The following DIDO1 variants were observed in gnomAD, a reference collection of about 807,000 sequenced individuals.
DIDO1 encodes the protein death-inducer obliterator 1.
A neutral mutation model predicts 99.4 loss-of-function variants in DIDO1; 16 were observed. The ratio of observed to expected loss-of-function variants is 0.16; its 90% confidence interval spans 0.11 to 0.24. The LOEUF (loss-of-function observed/expected upper bound fraction) is 0.24, where lower values mean the gene tolerates loss of function less well. Among genes scored for constraint, DIDO1 ranks in the 10% least tolerant of loss-of-function variants. The probability of loss-of-function intolerance (pLI) is 1.00; values close to 1 mark genes in which losing one functional copy is unlikely to be tolerated. For missense variants in DIDO1, 2,996 were observed against 3,014.0 expected, an observed-to-expected ratio of 0.99 and a Z score of 0.14; for synonymous variants, 1,366 against 1,239.1, an observed-to-expected ratio of 1.10 and a Z score of -2.15.
At chr20:62,915,054 C>T (rs185515228) in intron 1 of DIDO1, among the ~76,000 whole-genome samples, 4 of 152,172 alleles carry the variant, frequency 2.6e-5, no homozygotes, top group African/African-American at 9.7e-5. Flanking sequence ...TGCCCCAAAG[C>T]CGACACTTCC....
intron 12 of DIDO1, among the ~76,000 whole-genome samples, chr20:62,893,187 A>G (rs6090154): frequency 0.42 from 63,705 of 151,908 alleles, 14,999 homozygotes; most frequent in African/African-American, 0.66. Flanking sequence ...TACCACACCT[A>G]GCTAATTTTT....
intron 5 of DIDO1, 66 bp downstream of exon 5, chr20:62,907,081 G>T: frequency 6.4e-7 from 1 of 1,558,570 alleles, no homozygotes; most frequent in Non-Finnish European, 8.8e-7. Flanking sequence ...CAAACCAACA[G>T]TTCTGCGACA....
At chr20:62,915,599 C>T (rs2065023597) in intron 1 of DIDO1, among the ~76,000 whole-genome samples, 1 of 152,192 alleles carries the variant, frequency 6.6e-6, no homozygotes, top group Non-Finnish European at 1.5e-5. Context: ...AGTGATCCTC[C>T]TGGCTTAGCC....
At chr20:62,910,572 A>G (rs1212993054) in intron 3 of DIDO1, among the ~76,000 whole-genome samples, 1 of 152,238 alleles carries the variant, frequency 6.6e-6, no homozygotes. Flanking sequence ...GGAAACAGCC[A>G]TGTGTGGCCA....
chr20:62,937,564 A>C (rs1346949052), intron 1 of DIDO1, among the ~76,000 whole-genome samples: 1 of 152,156 alleles, frequency 6.6e-6, no homozygotes, highest in African/African-American at 2.4e-5. Context: ...CGCGCTCAAC[A>C]ACATCTCGAG....
At chr20:62,890,776 G>T (rs2064379750) in intron 15 of DIDO1, 184 bp downstream of exon 15, 2 of 1,444,438 alleles carry the variant, frequency 1.4e-6, no homozygotes, top group African/African-American at 1.4e-5. Flanking sequence ...GTGAATCAGG[G>T]GTACTTCTCG....
Position 62,909,882 on chromosome 20 carries a change from A to T in DIDO1, c.978T>A (p.Asp326Glu). ...CPNCTILQVQDETHSETADQQ... is the reference protein window; with the variant it reads ...CPNCTILQVQEETHSETADQQ... ...GATCTGCCGTTTCTGAATGAGTCTC[A>T]TCCTGCACTTGCAGAATGGTGCAGT... Residue 326 changes from aspartate (D) to glutamate (E), a missense_variant, in exon 4 of 16, where the codon GAT (aspartate) becomes GAA (glutamate). By Grantham distance (45) the Asp-to-Glu change is conservative (BLOSUM62 2). Transcript: ENST00000395343. 1 of 1,614,162 alleles carries T rather than the reference A, an allele frequency of 6.2e-7. No homozygotes were observed. The highest frequency in any genetic ancestry group is 1.1e-5 in the South Asian group (1 of 91,084).
upstream of DIDO1, among the ~76,000 whole-genome samples, chr20:62,929,692 A>AAAAAAAATATATATATATAT: frequency 1.7e-4 from 11 of 63,730 alleles, no homozygotes; most frequent in African/African-American, 7.6e-4. Flanking sequence ...AAAAAGAAAA[A>AAAAAAAATATATATATATAT]GTGTATATAT....
intron 15 of DIDO1, chr20:62,890,293 A>G (rs2064371347): frequency 6.0e-5 from 59 of 986,020 alleles, no homozygotes; most frequent in Non-Finnish European, 6.9e-5. Flanking sequence ...AGCTTCTTCT[A>G]AGGGGCTATG....
In DIDO1 at chr20:62,905,970, G is replaced by GTGC; in HGVS notation, c.1502_1504dup (p.Ser501dup). On this transcript the variant is annotated inframe_insertion, in exon 6 of 16. Coordinates refer to ENST00000395343, the MANE Select transcript of DIDO1 (RefSeq NM_001193369.2). ...ATTGTGATCGCTCGCCCACGACGGC[G>GTGC]TGCTGCTCTCACAAGCTGCTTCCTT... is the stretch of plus-strand genomic sequence containing the variant. 2 of 1,614,048 alleles carry GTGC rather than the reference G, an allele frequency of 1.2e-6. No individual in the cohort carries two copies. Among genetic ancestry groups the GTGC allele is most frequent in the Middle Eastern group, 1.6e-4 (1 of 6,062 alleles).
chr20:62,893,059 T>C (rs1009815513), intron 12 of DIDO1, 97 bp from the exon 13 acceptor site: 10 of 1,339,798 alleles, frequency 7.5e-6, no homozygotes, highest in African/African-American at 4.4e-5. Flanking sequence ...CAGGATCTCA[T>C]TCTGTCATGC....
At position 62,893,498 on chromosome 20, in the gene DIDO1, CA is replaced by C. The variant is rs2064442212; in HGVS notation, c.3101+167del. Among the ~76,000 whole-genome samples, 4 of 152,186 alleles carry C rather than the reference CA, an allele frequency of 2.6e-5. No individual in the cohort carries two copies. The South Asian group carries it at 6.2e-4, about 24-fold the overall frequency. ...TGTCAATTTCTAAGATCTCTACTTC[CA>C]AAAGGACAATAAGGCACCCTACAAC... On this transcript the variant is annotated intron_variant, in intron 12 of 15. Transcript: ENST00000395343.
At position 62,882,165 on chromosome 20, in the gene DIDO1, G is replaced by A. The variant is rs757184367; in HGVS notation, c.3791C>T (p.Pro1264Leu). 3.1e-6 allele frequency: 5 copies of A among 1,613,094 alleles called. No homozygotes were observed. The highest frequency in any genetic ancestry group is 3.3e-5 in the Admixed American group (2 of 59,996). The change falls in exon 16 of 16, where the codon CCG becomes CTG. Residue 1264 changes from proline (P) to leucine (L), a missense_variant. Pro to Leu is a moderately conservative substitution (Grantham distance 98). Coordinates refer to ENST00000395343, the MANE Select transcript of DIDO1 (RefSeq NM_001193369.2). ...STTPPGSPPP[P>L]PPLPEPPVLK... ...CACCGGTGGTTCTGGAAGAGGGGGC[G>A]GAGGCGGCGGCGACCCAGGAGGTGT...
chr20:62,891,599 C>G (rs968763573), intron 14 of DIDO1, among the ~76,000 whole-genome samples: 2 of 152,072 alleles, frequency 1.3e-5, no homozygotes, highest in Non-Finnish European at 2.9e-5. Flanking sequence ...CCTGATCACC[C>G]CTGCAAAAGA....
upstream of DIDO1, among the ~76,000 whole-genome samples, chr20:62,929,692 A>AAAAAAAAAATATATATATATATATATAT: frequency 7.8e-5 from 5 of 63,708 alleles, no homozygotes; most frequent in African/African-American, 3.8e-4. Context: ...AAAAAGAAAA[A>AAAAAAAAAATATATATATATATATATAT]GTGTATATAT....
chr20:62,879,249 G>A lies in DIDO1; in HGVS notation c.6707C>T (p.Thr2236Ile). The A allele has an allele frequency of 1.3e-6, 2 of 1,537,260 alleles. No homozygotes were observed. The highest frequency in any genetic ancestry group is 1.7e-6 in the Non-Finnish European group (2 of 1,146,858). Residue 2236 changes from threonine (T) to isoleucine (I), a missense_variant, in exon 16 of 16, where the codon ACC becomes ATC. Transcript: ENST00000395343. This position sits in a 1 kb window ranked among gnomAD's most constrained non-coding sequence, Gnocchi z 6.3. ...PEASRASDAG[T>I]ASQA Reference sequence around the variant, plus strand: ...CCGGGGCGTCTAGGCCTGCGAGGCGGTGCCAGCGTCGGAGGCCCTCGAGGC... The same window carrying A: ...CCGGGGCGTCTAGGCCTGCGAGGCGATGCCAGCGTCGGAGGCCCTCGAGGC...
In DIDO1 at chr20:62,911,101, T is replaced by C. The variant is rs755728919; in HGVS notation, c.512A>G (p.Lys171Arg). 3 of 1,613,900 alleles carry C rather than the reference T, an allele frequency of 1.9e-6. No individual in the cohort carries two copies. Among genetic ancestry groups the C allele is most frequent in the African/African-American group, 1.3e-5 (1 of 74,948 alleles). The stretch of plus-strand genomic sequence containing the variant: ...CCTCTCAGTGGGCTCCTGTTCCCGC[T>C]TCCTGCGAAGGCGATTCTGAAGCTC... ...LKELQNRLRR[K>R]REQEPTERPL... is the part of the protein sequence containing the mutation. The change falls in exon 3 of 16, where the codon AAG becomes AGG. Residue 171 changes from lysine to arginine, a missense_variant. By Grantham distance (26) the Lys-to-Arg change is conservative (BLOSUM62 2). This residue lies in a region of DIDO1 where 388 missense variants were observed against 376.6 expected (regional missense o/e 1.03). Coordinates refer to ENST00000395343, the MANE Select transcript of DIDO1 (RefSeq NM_001193369.2). The surrounding 1 kb of genome is among the most constrained non-coding windows in gnomAD (Gnocchi z 7.0).
In DIDO1 at chr20:62,896,785, G is replaced by C; in HGVS notation, c.1800C>G (p.Leu600=). 6.2e-7 allele frequency: 1 copy of C among 1,614,118 alleles called. No individual in the cohort carries two copies. Among genetic ancestry groups the C allele is most frequent in the Non-Finnish European group, 8.5e-7 (1 of 1,180,030 alleles). The part of the protein sequence containing the change: ...FKGTIPKRPW[L]SATPSSGASA... ...AAGCACCACTCGATGGGGTAGCGGA[G>C]AGCCATGGCCTCTTGGGGATGGTGC... The change falls in exon 7 of 16, where the codon CTC becomes CTG. Residue 600 remains leucine (L), a synonymous_variant. Transcript: ENST00000395343. The surrounding 1 kb of genome is among the most constrained non-coding windows in gnomAD (Gnocchi z 4.4).
chr20:62,890,462 C>A (rs577482278), intron 15 of DIDO1: 2 of 992,592 alleles, frequency 2.0e-6, no homozygotes, highest in South Asian at 9.0e-5. Context: ...GAACCTATTA[C>A]AATTTGAGCT....
Sources: gnomAD v4.1 joint callset for allele counts (sites outside exome capture counted in the v4.1 genomes callset) on GRCh38, gnomAD v4.1.1 for gene constraint, gnomAD v4.1.1 regional missense constraint, Gnocchi (gnomAD v3.1) non-coding constraint, MANE v1.5 for transcripts, NCBI Gene and HGNC (gene_info 2026-07-23, HGNC 2026-07-21) for gene names.